The following DAG1 variants were observed in gnomAD, a reference collection of about 807,000 sequenced individuals.
DAG1 encodes dystroglycan 1 (dystrophin-associated glycoprotein 1).
In DAG1, 8 loss-of-function variants were observed where a neutral mutation model predicts 46.1. The ratio of observed to expected loss-of-function variants is 0.17; its 90% confidence interval spans 0.10 to 0.31. DAG1 has a LOEUF of 0.31. Ranked by LOEUF, DAG1 falls within the 10% of genes least tolerant of loss-of-function variation. DAG1 has a pLI of 1.00. For synonymous variants in DAG1, 495 were observed against 481.8 expected (o/e 1.03, Z -0.36); for missense variants, 1,003 against 1,189.9 (o/e 0.84, Z 2.31).
chr3:49,506,987 AAAGTT>A (rs1299996343), intron 1 of DAG1, among the ~76,000 whole-genome samples: 1 of 152,006 alleles, frequency 6.6e-6, no homozygotes, highest in Non-Finnish European at 1.5e-5. Context: ...AAATAAGTAA[AAAGTT>A]AAATAAAGAA....
At position 49,535,543 on chromosome 3, in the gene DAG1, G is replaced by A. The variant is rs999501631; in HGVS notation, c.*2344G>A. The A allele has an allele frequency of 6.5e-6, 1 of 152,672 alleles. No homozygotes were observed. The highest frequency in any genetic ancestry group is 1.9e-4 in the East Asian group (1 of 5,200). 9.5% of individuals were successfully genotyped at this position (152,672 alleles called of 1,614,324 possible). A position where few individuals can be genotyped will look rare whatever the true frequency, so the allele number is the denominator to read the frequency against. On this transcript the variant is annotated 3_prime_UTR_variant, in exon 3 of 3. Transcript: ENST00000308775. ...GATGTGTTTTTATTTCCTTCTATATGATTTTAAGATGTGTTTTCTGCATTC... is the reference window on the plus strand; with the variant it reads ...GATGTGTTTTTATTTCCTTCTATATAATTTTAAGATGTGTTTTCTGCATTC...
intron 1 of DAG1, among the ~76,000 whole-genome samples, chr3:49,486,622 C>T (rs1336665792): frequency 6.6e-6 from 1 of 152,120 alleles, no homozygotes; most frequent in East Asian, 1.9e-4. Context: ...CCTAACTCAG[C>T]CTCCCAAGTA....
At chr3:49,493,429 G>T (rs2050237971) in intron 1 of DAG1, among the ~76,000 whole-genome samples, 1 of 152,044 alleles carries the variant, frequency 6.6e-6, no homozygotes, top group Non-Finnish European at 1.5e-5. Context: ...ACTTTTTCCT[G>T]TGTGCTGAGA....
At position 49,490,352 on chromosome 3, in the gene DAG1, CA is replaced by C. The variant is rs1191794390; in HGVS notation, c.-117+19931del. ...TGGGCGACAGAGTGAGACTCTGTCT[CA>C]AAAAAAAAAAAGTTTTTTTTTTTTA... On this transcript the variant is annotated intron_variant, in intron 1 of 2. Transcript: ENST00000308775. 7.1e-3 allele frequency among the ~76,000 whole-genome samples: 732 copies of C among 102,972 alleles called. 3 individuals are homozygous for C. The highest frequency in any genetic ancestry group is 0.023 in the African/African-American group (652 of 27,936). 67.6% of individuals were successfully genotyped at this position (102,972 alleles called of 152,430 possible).
At chr3:49,527,044 G>GAGCC (rs2051191230) in intron 2 of DAG1, among the ~76,000 whole-genome samples, 1 of 152,202 alleles carries the variant, frequency 6.6e-6, no homozygotes, top group East Asian at 1.9e-4. Flanking sequence ...AATAGGAAGT[G>GAGCC]AGCCAGGCTG....
intron 1 of DAG1, among the ~76,000 whole-genome samples, chr3:49,504,610 A>C (rs1479414108): frequency 1.2e-5 from 1 of 81,768 alleles, no homozygotes; most frequent in Non-Finnish European, 2.1e-5. Context: ...TTTTTTTGAC[A>C]GAGTCTCACT....
intron 1 of DAG1, among the ~76,000 whole-genome samples, chr3:49,482,486 T>TG (rs886124198): frequency 1.2e-4 from 19 of 152,170 alleles, no homozygotes; most frequent in African/African-American, 4.1e-4. Context: ...AACTGCCCTA[T>TG]GGGGGGAGGC....
In DAG1 at chr3:49,487,794, G is replaced by T. The variant is rs531094564; in HGVS notation, c.-117+17361G>T. On this transcript the variant is annotated intron_variant, in intron 1 of 2. Transcript: ENST00000308775. ...GGCTCACTGCAACCTCCGCCTCCCG[G>T]GTTCAAGCGATTCTCCTGCCTCGGC... 2.0e-5 allele frequency among the ~76,000 whole-genome samples: 3 copies of T among 147,926 alleles called. No individual in the cohort carries two copies. The East Asian group carries it at 5.9e-4, about 29-fold the overall frequency.
chr3:49,532,542 G>T lies in DAG1; in HGVS notation c.2031G>T (p.Leu677=), dbSNP rs2051387513. The T allele has an allele frequency of 1.2e-6, 2 of 1,613,606 alleles. No homozygotes were observed. Among genetic ancestry groups the T allele is most frequent in the African/African-American group, 1.3e-5 (1 of 75,050 alleles). ...EPCPKEQIAG[L]SRRIAEDDGK... ...GCCCCAAGGAGCAGATCGCTGGGCT[G>T]AGCCGCCGGATCGCTGAGGATGATG... Residue 677 remains leucine, a synonymous_variant, in exon 3 of 3, where the codon CTG becomes CTT. Coordinates refer to ENST00000308775, the MANE Select transcript of DAG1 (RefSeq NM_004393.6). The surrounding 1 kb of genome is among the most constrained non-coding windows in gnomAD (Gnocchi z 5.4).
chr3:49,490,880 C>CTTT (rs972440561), intron 1 of DAG1, among the ~76,000 whole-genome samples: 255 of 87,826 alleles, frequency 2.9e-3, no homozygotes, highest in African/African-American at 3.1e-3. Flanking sequence ...CTCCTAAATT[C>CTTT]TTTTTTTTTT....
intron 1 of DAG1, among the ~76,000 whole-genome samples, chr3:49,498,382 G>C (rs1010996395): frequency 6.6e-6 from 1 of 152,060 alleles, no homozygotes; most frequent in African/African-American, 2.4e-5. Flanking sequence ...TTTTTAACTA[G>C]AAGCAGAGAC....
At chr3:49,490,410 A>T (rs2050152032) in intron 1 of DAG1, among the ~76,000 whole-genome samples, 1 of 151,678 alleles carries the variant, frequency 6.6e-6, no homozygotes, top group African/African-American at 2.4e-5. Context: ...AAATTGCAAG[A>T]ATAATTCAAG....
intron 2 of DAG1, among the ~76,000 whole-genome samples, chr3:49,530,540 G>A (rs1446195454): frequency 2.0e-5 from 3 of 152,190 alleles, no homozygotes; most frequent in African/African-American, 4.8e-5. Context: ...ATGTGCTTGA[G>A]TGCCAGCACT....
rs553857437 is a variant in DAG1 at position 49,533,454 on chromosome 3, C to T, written c.*255C>T. ...TTTGGTTTGTTCATAGAGAATTCTT[C>T]GCTTCATTTTTGATGGCTGGCTCTG... On this transcript the variant is annotated 3_prime_UTR_variant, in exon 3 of 3. Transcript: ENST00000308775. 2.1e-5 allele frequency: 14 copies of T among 661,802 alleles called. No individual in the cohort carries two copies. The highest frequency in any genetic ancestry group is 4.5e-5 in the South Asian group (3 of 66,330). The allele number at this position is 661,802 out of a possible 1,614,324, so 41.0% of individuals were successfully genotyped here.
intron 1 of DAG1, among the ~76,000 whole-genome samples, chr3:49,491,682 TAGTC>T (rs1026993964): frequency 1.1e-4 from 16 of 152,202 alleles, no homozygotes; most frequent in Non-Finnish European, 1.9e-4. Context: ...TTCACTGTGT[TAGTC>T]AGGATGGTCT....
intron 2 of DAG1, among the ~76,000 whole-genome samples, chr3:49,528,304 G>T (rs1389858451): frequency 7.2e-5 from 1 of 13,800 alleles, no homozygotes; most frequent in Non-Finnish European, 1.8e-4. Context: ...TTTTTTTTTG[G>T]GACAGAGTCT....
rs2051478068 is a variant in DAG1, at chr3:49,535,185, GAGCACA to G, written c.*1989_*1994del. ...AGTTTCCCTGGTGCCCCAGAGACAG[GAGCACA>G]AGTGGGATCTGACCTGGTGAGATTA... On this transcript the variant is annotated 3_prime_UTR_variant, in exon 3 of 3. Transcript: ENST00000308775. 1 of 152,276 alleles carries G rather than the reference GAGCACA, an allele frequency of 6.6e-6. No homozygotes were observed. The highest frequency in any genetic ancestry group is 1.5e-5 in the Non-Finnish European group (1 of 68,042). The allele number at this position is 152,276 out of a possible 1,614,324, so 9.4% of individuals were successfully genotyped here. A position where few individuals can be genotyped will look rare whatever the true frequency, so the allele number is the denominator to read the frequency against.
chr3:49,526,797 C>A (rs1183725357), intron 2 of DAG1, among the ~76,000 whole-genome samples: 2 of 152,228 alleles, frequency 1.3e-5, no homozygotes, highest in Non-Finnish European at 2.9e-5. Flanking sequence ...CATTTCTCAT[C>A]TCCCATCTCC....
chr3:49,523,045 C>G (rs929974438), intron 2 of DAG1, among the ~76,000 whole-genome samples: 3 of 152,220 alleles, frequency 2.0e-5, no homozygotes, highest in African/African-American at 7.2e-5. Flanking sequence ...ACCCCAAACT[C>G]ATGTGCCTCT....
Sources: allele counts gnomAD v4.1 joint callset (sites outside exome capture counted in the v4.1 genomes callset), GRCh38; gene constraint gnomAD v4.1.1; non-coding constraint Gnocchi (gnomAD v3.1); transcripts MANE v1.5; gene names NCBI Gene and HGNC (gene_info 2026-07-23, HGNC 2026-07-21).